SOX6: variants seen among roughly 807,000 people sequenced by gnomAD.
The protein encoded by SOX6 is SRY-box transcription factor 6.
SOX6 carries 11 observed loss-of-function variants against 97.8 expected under a neutral mutation model. That is an observed-to-expected ratio of 0.11 (90% confidence interval 0.07 to 0.19). SOX6 has a LOEUF of 0.19. SOX6 is among the 10% of genes least tolerant of loss of function. SOX6 has a pLI of 1.00. For missense variants in SOX6, 810 were observed against 1,039.5 expected, an observed-to-expected ratio of 0.78 and a Z score of 3.04; for synonymous variants, 360 against 371.4, an observed-to-expected ratio of 0.97 and a Z score of 0.35.
chr11:16,513,089 T>C (rs4256940), intron 4 of SOX6, among the ~76,000 whole-genome samples: 14,657 of 152,252 alleles, frequency 0.096, 819 homozygotes, highest in Non-Finnish European at 0.13. Context: ...TTCTAGTTTC[T>C]AGTTTCTACA....
rs138273746 is a variant in SOX6 at position 15,990,297 on chromosome 11, T to C, written c.1733-1067A>G. Among the ~76,000 whole-genome samples, 271 of 152,236 alleles carry C rather than the reference T, an allele frequency of 1.8e-3. 1 individual carries two copies. Among genetic ancestry groups the C allele is most frequent in the African/African-American group, 5.3e-3 (222 of 41,540 alleles). The stretch of plus-strand genomic sequence containing the variant: ...AAGATTATTTGGTTTTCAACTCATA[T>C]GCAAAAGTCATAGACTAAGAGGCAT... On this transcript the variant is annotated intron_variant, in intron 13 of 15. Transcript: ENST00000683767.
At chr11:16,502,984 A>G (rs1860731212) in intron 4 of SOX6, among the ~76,000 whole-genome samples, 1 of 152,190 alleles carries the variant, frequency 6.6e-6, no homozygotes, top group Admixed American at 6.5e-5. Context: ...GTAACTTAGA[A>G]AAGCACCCCC....
intron 3 of SOX6, among the ~76,000 whole-genome samples, chr11:16,269,683 T>C (rs979224071): frequency 2.0e-5 from 3 of 151,018 alleles, no homozygotes; most frequent in African/African-American, 7.3e-5. Context: ...CCTAAATATT[T>C]AATCTTCTTT....
intron 14 of SOX6, among the ~76,000 whole-genome samples, chr11:15,988,318 C>T (rs1853931819): frequency 6.6e-6 from 1 of 152,234 alleles, no homozygotes; most frequent in Non-Finnish European, 1.5e-5. Flanking sequence ...TAGAACAAGG[C>T]TTGAGTTTAA....
At position 16,584,347 on chromosome 11, in the gene SOX6, C is replaced by T. The variant is rs144927159; in HGVS notation, n.609+27734G>A. Among the ~76,000 whole-genome samples the T allele has an allele frequency of 5.5e-4, 83 of 152,164 alleles. No homozygotes were observed. The East Asian group carries it at 0.012, about 22-fold the overall frequency. On this transcript the variant is annotated intron_variant and non_coding_transcript_variant, in intron 4 of 5. Transcript: ENST00000524520. The stretch of plus-strand genomic sequence containing the variant: ...AGGTAAAAATACCCAAAATGCATTC[C>T]CAAGCTCTAATAGATCCATGAAAGG...
At chr11:16,643,522 C>T (rs965010677) in intron 3 of SOX6, among the ~76,000 whole-genome samples, 1 of 152,196 alleles carries the variant, frequency 6.6e-6, no homozygotes, top group Non-Finnish European at 1.5e-5. Flanking sequence ...GTGGAGTCTA[C>T]AGAGGCAGGC....
chr11:16,212,674 C>T (rs1852262916), intron 4 of SOX6, among the ~76,000 whole-genome samples: 1 of 152,124 alleles, frequency 6.6e-6, no homozygotes, highest in Admixed American at 6.6e-5. Context: ...AAACTTTTCT[C>T]AAAGCAGATA....
intron 9 of SOX6, among the ~76,000 whole-genome samples, chr11:16,088,240 A>T (rs955773768): frequency 6.6e-6 from 1 of 152,108 alleles, no homozygotes; most frequent in Non-Finnish European, 1.5e-5. Flanking sequence ...CATTATAAAC[A>T]GCCCCCACCT....
intron 4 of SOX6, among the ~76,000 whole-genome samples, chr11:16,526,603 T>G (rs563620098): frequency 1.0e-3 from 159 of 152,126 alleles, no homozygotes; most frequent in African/African-American, 3.4e-3. Context: ...CTGCACATTG[T>G]GCACATGTAC....
At chr11:15,984,513 G>T (rs1853765966) in intron 15 of SOX6, among the ~76,000 whole-genome samples, 1 of 152,170 alleles carries the variant, frequency 6.6e-6, no homozygotes, top group South Asian at 2.1e-4. Context: ...GATTAAAAGA[G>T]AATGTTTATC....
At chr11:16,561,007 T>C (rs1188472931) in intron 4 of SOX6, among the ~76,000 whole-genome samples, 4 of 152,058 alleles carry the variant, frequency 2.6e-5, no homozygotes, top group African/African-American at 9.7e-5. Flanking sequence ...GGACTACACA[T>C]TGGATACAGG....
At chr11:16,547,689 TAGAA>T (rs1847637796) in intron 4 of SOX6, among the ~76,000 whole-genome samples, 1 of 152,000 alleles carries the variant, frequency 6.6e-6, no homozygotes, top group Non-Finnish European at 1.5e-5. Flanking sequence ...GAGAGACAAA[TAGAA>T]GGAATAAATT....
chr11:16,139,662 C>G (rs1477997892), intron 6 of SOX6, among the ~76,000 whole-genome samples: 2 of 151,764 alleles, frequency 1.3e-5, no homozygotes, highest in Admixed American at 6.6e-5. Context: ...AGACCAGATT[C>G]AGAAGCACAG....
At chr11:16,142,014 C>G (rs1798434617) in intron 6 of SOX6, among the ~76,000 whole-genome samples, 1 of 152,082 alleles carries the variant, frequency 6.6e-6, no homozygotes, top group South Asian at 2.1e-4. Context: ...AGTGGTTCTC[C>G]CAGCATGGAG....
intron 6 of SOX6, among the ~76,000 whole-genome samples, chr11:16,145,050 AAG>A (rs1850254107): frequency 6.6e-6 from 1 of 152,186 alleles, no homozygotes; most frequent in South Asian, 2.1e-4. Context: ...ACAACAAAAA[AAG>A]AGAATTTTCG....
intron 2 of SOX6, among the ~76,000 whole-genome samples, chr11:16,331,241 T>C (rs1189479120): frequency 6.6e-6 from 1 of 152,198 alleles, no homozygotes; most frequent in African/African-American, 2.4e-5. Context: ...TGAAAAGAAA[T>C]AACTCATGGT....
intron 13 of SOX6, among the ~76,000 whole-genome samples, chr11:16,013,575 C>T (rs1176711986): frequency 6.6e-6 from 1 of 151,842 alleles, no homozygotes; most frequent in African/African-American, 2.4e-5. Flanking sequence ...ATCTTTATGC[C>T]TCCCTTCCTA....
chr11:16,728,439 G>C (rs1372985998), intron 2 of SOX6, among the ~76,000 whole-genome samples: 1 of 152,172 alleles, frequency 6.6e-6, no homozygotes, highest in Non-Finnish European at 1.5e-5. Flanking sequence ...AGGCAAACAG[G>C]GTCTGGAGTG....
At chr11:16,330,907 C>T (rs1302887905) in intron 2 of SOX6, among the ~76,000 whole-genome samples, 1 of 151,678 alleles carries the variant, frequency 6.6e-6, no homozygotes, top group South Asian at 2.1e-4. Context: ...CTCTAAGGCC[C>T]CCAGATAAAA....
Sources: gnomAD v4.1 joint callset for allele counts (sites outside exome capture counted in the v4.1 genomes callset) on GRCh38, gnomAD v4.1.1 for gene constraint, MANE v1.5 for transcripts, NCBI Gene and HGNC (gene_info 2026-07-23, HGNC 2026-07-21) for gene names.